NYAP2: variants seen among roughly 807,000 people sequenced by gnomAD.
NYAP2 encodes neuronal tyrosine-phosphorylated phosphoinositide-3-kinase adapter 2.
In NYAP2, 23 loss-of-function variants were observed where a neutral mutation model predicts 50.4. The ratio of observed to expected loss-of-function variants is 0.46; its 90% CI spans 0.33 to 0.65. NYAP2 has a LOEUF of 0.65. Among genes scored for constraint, NYAP2 ranks in the 30% least tolerant of loss-of-function variants. NYAP2 has a pLI of 0.02. For synonymous variants in NYAP2, 394 were observed against 365.2 expected (o/e 1.08, Z -0.90); for missense variants, 885 against 861.0 (o/e 1.03, Z -0.35).
At chr2:225,454,338 A>G (rs1422704453) in intron 3 of NYAP2, among the ~76,000 whole-genome samples, 2 of 152,190 alleles carry the variant, frequency 1.3e-5, no homozygotes, top group Admixed American at 6.5e-5. Context: ...CTCAAAAAAC[A>G]AAACAAAAAC....
chr2:225,691,317 GTGTGCCCCAAAT>G, the NYAP2 span, among the ~76,000 whole-genome samples: 1 of 151,958 alleles, frequency 6.6e-6, no homozygotes, highest in South Asian at 2.1e-4. Context: ...AGGTACATCT[GTGTGCCCCAAAT>G]CTTGATTTAT....
chr2:225,625,739 T>C (rs1693197736), intron 5 of NYAP2, among the ~76,000 whole-genome samples: 1 of 152,110 alleles, frequency 6.6e-6, no homozygotes, highest in South Asian at 2.1e-4. Flanking sequence ...TGGAGATTCT[T>C]GCCGATGATA....
the NYAP2 span, among the ~76,000 whole-genome samples, chr2:225,668,077 A>G: frequency 6.6e-6 from 1 of 152,162 alleles, no homozygotes; most frequent in Non-Finnish European, 1.5e-5. Context: ...CTGGGATCCA[A>G]TCAAGGATAC....
At chr2:225,483,820 A>G (rs1559192245) in intron 3 of NYAP2, among the ~76,000 whole-genome samples, 1 of 152,226 alleles carries the variant, frequency 6.6e-6, no homozygotes, top group Non-Finnish European at 1.5e-5. Flanking sequence ...GCACGGAAAA[A>G]TAACTCTCTT....
intron 3 of NYAP2, among the ~76,000 whole-genome samples, chr2:225,436,916 AAGTGGG>A (rs1689389093): frequency 6.6e-6 from 1 of 151,890 alleles, no homozygotes; most frequent in African/African-American, 2.4e-5. Flanking sequence ...TCATTCCTTC[AAGTGGG>A]AGCTGGTGGT....
intron 4 of NYAP2, among the ~76,000 whole-genome samples, chr2:225,543,851 G>T (rs921628975): frequency 6.6e-6 from 1 of 152,022 alleles, no homozygotes; most frequent in East Asian, 1.9e-4. Flanking sequence ...GCTGAATGTT[G>T]TGTGTTGAAT....
intron 3 of NYAP2, among the ~76,000 whole-genome samples, chr2:225,439,222 G>A (rs1009984182): frequency 6.6e-6 from 1 of 152,014 alleles, no homozygotes; most frequent in Non-Finnish European, 1.5e-5. Context: ...GGAAGTTGAA[G>A]ATATAGGAAA....
chr2:225,467,936 T>C (rs951218061), intron 3 of NYAP2, among the ~76,000 whole-genome samples: 2 of 151,962 alleles, frequency 1.3e-5, no homozygotes, highest in Non-Finnish European at 2.9e-5. Context: ...AAAGCAGACA[T>C]AGTGAGTACT....
the NYAP2 span, among the ~76,000 whole-genome samples, chr2:225,694,513 G>A: frequency 6.6e-6 from 1 of 151,710 alleles, no homozygotes; most frequent in African/African-American, 2.4e-5. Flanking sequence ...CTCAACGATG[G>A]AAATGGCCAC....
At chr2:225,567,463 C>T (rs1193841262) in intron 4 of NYAP2, among the ~76,000 whole-genome samples, 1 of 152,118 alleles carries the variant, frequency 6.6e-6, no homozygotes, top group East Asian at 1.9e-4. Flanking sequence ...GAGCAAGTTG[C>T]TGTGTACAGT....
intron 5 of NYAP2, among the ~76,000 whole-genome samples, chr2:225,619,369 C>G (rs1450320153): frequency 2.6e-5 from 4 of 152,134 alleles, no homozygotes; most frequent in Non-Finnish European, 5.9e-5. Flanking sequence ...GTGCCCCCAC[C>G]CAGGCGGTCA....
chr2:225,697,536 AC>A, the NYAP2 span, among the ~76,000 whole-genome samples: 2 of 152,088 alleles, frequency 1.3e-5, no homozygotes, highest in South Asian at 4.1e-4. Flanking sequence ...TTATAAATAA[AC>A]CTGTTTAAAA....
At chr2:225,641,422 A>AACACACACAC (rs56041107) in intron 6 of NYAP2, among the ~76,000 whole-genome samples, 154 of 133,706 alleles carry the variant, frequency 1.2e-3, no homozygotes, top group Non-Finnish European at 1.6e-3. Flanking sequence ...CAATCCCTCA[A>AACACACACAC]ACACACACAC....
At chr2:225,637,027 T>C (rs1298473089) in intron 6 of NYAP2, among the ~76,000 whole-genome samples, 1 of 152,178 alleles carries the variant, frequency 6.6e-6, no homozygotes, top group Non-Finnish European at 1.5e-5. Context: ...GATACCATGA[T>C]CTGTTTGTGT....
intron 3 of NYAP2, among the ~76,000 whole-genome samples, chr2:225,446,246 C>CTCTCTCTCTA (rs1239402824): frequency 1.7e-4 from 14 of 82,264 alleles, no homozygotes; most frequent in East Asian, 3.7e-4. Flanking sequence ...CTCTCTCTCT[C>CTCTCTCTCTA]TATATATATA....
chr2:225,504,303 A>T (rs1258555689), intron 3 of NYAP2, among the ~76,000 whole-genome samples: 1 of 152,064 alleles, frequency 6.6e-6, no homozygotes, highest in Non-Finnish European at 1.5e-5. Flanking sequence ...GCTCTCTGGG[A>T]TCTCTTTAAT....
the NYAP2 span, among the ~76,000 whole-genome samples, chr2:225,688,498 A>G: frequency 6.6e-6 from 1 of 152,204 alleles, no homozygotes; most frequent in East Asian, 1.9e-4. Context: ...GTCTTTAAAG[A>G]GTTCATTGTC....
At chr2:225,475,817 G>A (rs920716566) in intron 3 of NYAP2, among the ~76,000 whole-genome samples, 1 of 152,132 alleles carries the variant, frequency 6.6e-6, no homozygotes, top group African/African-American at 2.4e-5. Context: ...ACTTGTTTCA[G>A]TGTCTCATAA....
chr2:225,456,211 C>T (rs964504989), intron 3 of NYAP2, among the ~76,000 whole-genome samples: 1 of 152,136 alleles, frequency 6.6e-6, no homozygotes, highest in East Asian at 1.9e-4. Flanking sequence ...CAGAAATGGC[C>T]CAGTGAATTT....
Sources: gnomAD v4.1 joint callset for allele counts (sites outside exome capture counted in the v4.1 genomes callset) on GRCh38, gnomAD v4.1.1 for gene constraint, MANE v1.5 for transcripts, NCBI Gene and HGNC (gene_info 2026-07-23, HGNC 2026-07-21) for gene names.